The following MICAL2 variants were observed in gnomAD, a reference collection of about 807,000 sequenced individuals.
MICAL2 encodes microtubule associated monooxygenase, calponin and LIM domain containing 2, also known as [F-actin]-monooxygenase MICAL2.
Under a neutral mutation model 127.3 loss-of-function variants are expected in MICAL2, and 77 were observed. The observed-to-expected ratio is 0.60, with a 90% CI of 0.50 to 0.73. MICAL2 has a LOEUF of 0.73. Ranked by LOEUF, MICAL2 falls within the 30% of genes least tolerant of loss-of-function variation. The pLI, the probability that MICAL2 is intolerant of heterozygous loss-of-function variation, is 0.00. For missense variants in MICAL2, 1,351 were observed against 1,434.4 expected, an observed-to-expected ratio of 0.94 and a Z score of 0.94; for synonymous variants, 570 against 551.1, an observed-to-expected ratio of 1.03 and a Z score of -0.48.
intron 14 of MICAL2, 61 bp from the exon 15 acceptor site, chr11:12,226,964 G>T: frequency 7.4e-7 from 1 of 1,357,698 alleles, no homozygotes; most frequent in Non-Finnish European, 1.1e-6. Flanking sequence ...ACACCTCCTT[G>T]TTATAGCCAT....
chr11:12,111,013 C>T (rs1564965580), intron 1 of MICAL2, among the ~76,000 whole-genome samples: 2 of 152,218 alleles, frequency 1.3e-5, no homozygotes, highest in Admixed American at 6.5e-5. Context: ...CACCCAAACC[C>T]TGCAGTTCCA....
intron 3 of MICAL2, among the ~76,000 whole-genome samples, chr11:12,189,989 G>A (rs901278794): frequency 2.6e-5 from 4 of 152,188 alleles, no homozygotes; most frequent in African/African-American, 7.2e-5. Flanking sequence ...GGAGCCTCCC[G>A]ATGTCTAGAC....
intron 26 of MICAL2, 54 bp from the exon 27 acceptor site, chr11:12,262,426 A>G: frequency 1.9e-6 from 3 of 1,609,864 alleles, no homozygotes; most frequent in Admixed American, 1.7e-5. Flanking sequence ...TCCCCACACT[A>G]AGCTCTCTTT....
chr11:12,111,303 CT>C (rs1314396743), intron 1 of MICAL2, among the ~76,000 whole-genome samples: 1 of 152,192 alleles, frequency 6.6e-6, no homozygotes, highest in African/African-American at 2.4e-5. Flanking sequence ...GGCCGCGGCA[CT>C]GTCCGCTCTG....
rs74474505 is a variant in MICAL2, at chr11:12,220,474, G to A, written c.1206+16G>A. The A allele has an allele frequency of 1.7e-3, 2,703 of 1,603,118 alleles. 40 individuals are homozygous for A. In the African/African-American group the frequency reaches 0.032, roughly 19 times the overall value. On this transcript the variant is annotated intron_variant, in intron 9 of 27. Transcript: ENST00000683283. Reference sequence around the variant, plus strand: ...CTTGCTTGAGGTACTGCCTGAGCTCGGAGCCCCCATGTTTCTCTGCGAGAC... The same window carrying A: ...CTTGCTTGAGGTACTGCCTGAGCTCAGAGCCCCCATGTTTCTCTGCGAGAC...
rs560637560 is a variant in MICAL2 at position 12,174,443 on chromosome 11, A to G, written c.264+12024A>G. 1.4e-4 allele frequency among the ~76,000 whole-genome samples: 21 copies of G among 146,530 alleles called. No homozygotes were observed. The South Asian group carries it at 3.8e-3, about 27-fold the overall frequency. ...AGGTACCTCGTTTAAGTGGAATTAT[A>G]CAGTATTTGTGGCTGGCTTATTCAC... On this transcript the variant is annotated intron_variant, in intron 3 of 27. Transcript: ENST00000683283.
chr11:12,129,795 C>A (rs906648755), intron 1 of MICAL2, among the ~76,000 whole-genome samples: 8 of 152,046 alleles, frequency 5.3e-5, no homozygotes, highest in Non-Finnish European at 1.0e-4. Context: ...GCAGCCTCAA[C>A]CTCCTGGGCC....
rs542179330 is a variant in MICAL2 at position 12,119,158 on chromosome 11, C to G, written c.-149+8432C>G. On this transcript the variant is annotated intron_variant, in intron 1 of 27. Coordinates refer to ENST00000683283, the MANE Select transcript of MICAL2 (RefSeq NM_001282663.2). ...GTTTCCCTGGGCTCTGGGTTCCCCC[C>G]TCCTCCCCTCGTGAACAGGATGCTG... Among the ~76,000 whole-genome samples the G allele has an allele frequency of 2.2e-4, 34 of 152,288 alleles. 2 individuals are homozygous for G. Among genetic ancestry groups the G allele is most frequent in the African/African-American group, 8.2e-4 (34 of 41,564 alleles).
At chr11:12,140,498 CTTTTT>C (rs61115916) in intron 2 of MICAL2, among the ~76,000 whole-genome samples, 3 of 132,522 alleles carry the variant, frequency 2.3e-5, no homozygotes, top group East Asian at 2.2e-4. Flanking sequence ...AACTTTGGCT[CTTTTT>C]TTTTTTTTTT....
At chr11:12,222,515 AG>A in intron 10 of MICAL2, 101 bp from the exon 11 acceptor site, 1 of 1,472,602 alleles carries the variant, frequency 6.8e-7, no homozygotes, top group Non-Finnish European at 9.3e-7. Flanking sequence ...AAACATGTCC[AG>A]GAAGCCCTTG....
In MICAL2 at chr11:12,327,271, G is replaced by A. The variant is rs148579531; in HGVS notation, c.5515+5G>A. The A allele has an allele frequency of 4.3e-4, 672 of 1,549,084 alleles. 1 individual carries two copies. The African/African-American group carries it at 8.1e-3, about 19-fold the overall frequency. ...AGGCGTTGCGAGGAGAAGCAGGTAC[G>A]GCATCCCAGCAGATCCGGAGCAGTG... On this transcript the variant is annotated splice_donor_5th_base_variant and intron_variant, in intron 32 of 34. Coordinates refer to the MICAL2 transcript ENST00000646065.
intron 32 of MICAL2, among the ~76,000 whole-genome samples, chr11:12,349,226 T>C (rs1337368774): frequency 6.6e-6 from 1 of 152,232 alleles, no homozygotes; most frequent in Admixed American, 6.5e-5. Flanking sequence ...TTCTGTTTAA[T>C]AAAGGTCATA....
At chr11:12,160,654 T>G (rs1327642069) in intron 2 of MICAL2, among the ~76,000 whole-genome samples, 1 of 152,134 alleles carries the variant, frequency 6.6e-6, no homozygotes, top group Non-Finnish European at 1.5e-5. Context: ...GAAGCTTTCT[T>G]GAGATTTCTC....
chr11:12,277,887 A>G (rs1220403015), intron 1 of MICAL2, among the ~76,000 whole-genome samples: 1 of 152,240 alleles, frequency 6.6e-6, no homozygotes, highest in African/African-American at 2.4e-5. Context: ...CTCCCAGGCT[A>G]CAGACCTGCA....
chr11:12,281,875 A>G (rs569706332), intron 2 of MICAL2, among the ~76,000 whole-genome samples: 1 of 152,326 alleles, frequency 6.6e-6, no homozygotes, highest in South Asian at 2.1e-4. Flanking sequence ...GTTTTGATTC[A>G]GTCAACAATT....
At chr11:12,191,202 C>T (rs1049252069) in intron 3 of MICAL2, among the ~76,000 whole-genome samples, 12 of 152,242 alleles carry the variant, frequency 7.9e-5, no homozygotes, top group African/African-American at 2.6e-4. Flanking sequence ...CGGTGGCCCA[C>T]GCCTGTAATC....
chr11:12,297,865 T>C (rs1290357493), intron 29 of MICAL2, among the ~76,000 whole-genome samples: 2 of 151,976 alleles, frequency 1.3e-5, no homozygotes, highest in Non-Finnish European at 2.9e-5. Context: ...TTCCATTTAG[T>C]TGTCTGTTAT....
At chr11:12,133,829 A>C (rs1216617632) in intron 1 of MICAL2, among the ~76,000 whole-genome samples, 2 of 152,228 alleles carry the variant, frequency 1.3e-5, no homozygotes, top group Non-Finnish European at 2.9e-5. Context: ...CTGAGCTGTC[A>C]AGATACTGCC....
In MICAL2 at chr11:12,262,334, T is replaced by C. The variant is rs184980252; in HGVS notation, c.3335-146T>C. The C allele has an allele frequency of 9.1e-5, 137 of 1,513,776 alleles. No homozygotes were observed. The East Asian group carries it at 2.1e-3, about 23-fold the overall frequency. The allele number at this position is 1,513,776 out of a possible 1,614,324, so 93.8% of individuals were successfully genotyped here. Reference sequence around the variant, plus strand: ...ATCTCTCCTAAGCAAACAGCGACTCTTTCAGAGGAAGTTTCCCTCTTTCAA... The same window carrying C: ...ATCTCTCCTAAGCAAACAGCGACTCCTTCAGAGGAAGTTTCCCTCTTTCAA... On this transcript the variant is annotated intron_variant, in intron 26 of 27. Transcript: ENST00000683283.
Sources: allele counts gnomAD v4.1 joint callset (sites outside exome capture counted in the v4.1 genomes callset), GRCh38; gene constraint gnomAD v4.1.1; transcripts MANE v1.5; gene names NCBI Gene and HGNC (gene_info 2026-07-23, HGNC 2026-07-21).